The following ITGA4 variants were observed in gnomAD, a reference collection of about 807,000 sequenced individuals.
The protein encoded by ITGA4 is integrin alpha-4.
ITGA4 carries 63 observed loss-of-function variants against 133.6 expected under a neutral mutation model. That is an observed-to-expected ratio of 0.47 (90% CI 0.38 to 0.58). The LOEUF (loss-of-function observed/expected upper bound fraction) is 0.58, where lower values mean the gene tolerates loss of function less well. Among genes scored for constraint, ITGA4 ranks in the 20% least tolerant of loss-of-function variants. The probability of loss-of-function intolerance (pLI) is 0.00; values close to 1 mark genes in which losing one functional copy is unlikely to be tolerated. For missense variants in ITGA4, 1,076 were observed against 1,252.7 expected, an observed-to-expected ratio of 0.86 and a Z score of 2.13; for synonymous variants, 483 against 438.0, an observed-to-expected ratio of 1.10 and a Z score of -1.28.
intron 25 of ITGA4, 74 bp from the exon 26 acceptor site, chr2:181,534,198 G>A (rs1475969046): frequency 1.3e-5 from 12 of 902,266 alleles, no homozygotes; most frequent in Non-Finnish European, 2.1e-5. Context: ...CCTCTAGCTA[G>A]AAGGTAAAGA....
At chr2:181,533,426 A>C (rs905378768) in intron 25 of ITGA4, among the ~76,000 whole-genome samples, 2 of 152,200 alleles carry the variant, frequency 1.3e-5, no homozygotes, top group Admixed American at 6.5e-5. Context: ...CTTTTTCTCT[A>C]GGTCTAGGTT....
In ITGA4 at chr2:181,537,846, G is replaced by A. The variant is rs1313439287; in HGVS notation, c.*2319G>A. ...TTGTTAGTAACATCAATTTCTATTA[G>A]GATATCCGTTTGGCCACACAGCAGG... On this transcript the variant is annotated 3_prime_UTR_variant, in exon 28 of 28. Coordinates refer to ENST00000397033, the MANE Select transcript of ITGA4 (RefSeq NM_000885.6). 1 of 497,760 alleles carries A rather than the reference G, an allele frequency of 2.0e-6. No individual in the cohort carries two copies. Among genetic ancestry groups the A allele is most frequent in the Non-Finnish European group, 3.9e-6 (1 of 256,020 alleles). The allele number at this position is 497,760 out of a possible 1,614,324, so 30.8% of individuals were successfully genotyped here. A position where few individuals can be genotyped will look rare whatever the true frequency, so the allele number is the denominator to read the frequency against.
At chr2:181,534,541 G>A (rs1687014503) in intron 26 of ITGA4, among the ~76,000 whole-genome samples, 171 bp downstream of exon 26, 1 of 152,040 alleles carries the variant, frequency 6.6e-6, no homozygotes, top group South Asian at 2.1e-4. Context: ...TGGCAGGAGG[G>A]AACAATACAG....
At chr2:181,508,441 A>G (rs1645955728) in intron 15 of ITGA4, among the ~76,000 whole-genome samples, 1 of 152,110 alleles carries the variant, frequency 6.6e-6, no homozygotes, top group African/African-American at 2.4e-5. Context: ...CAAGCCTGTA[A>G]TCCCAGCACT....
Position 181,488,519 on chromosome 2 carries a change from T to C in ITGA4, c.1153+2527T>C, listed in dbSNP as rs139354961. On this transcript the variant is annotated intron_variant, in intron 10 of 27. Transcript: ENST00000397033. ...ACATTAACACTTCAGTGAGTGTTTATAATGCCATATATCTTTTTCTACTTG... is the reference window on the plus strand; with the variant it reads ...ACATTAACACTTCAGTGAGTGTTTACAATGCCATATATCTTTTTCTACTTG... Among the ~76,000 whole-genome samples, 346 of 152,288 alleles carry C rather than the reference T, an allele frequency of 2.3e-3. 1 individual carries two copies. The highest frequency in any genetic ancestry group is 7.7e-3 in the African/African-American group (318 of 41,566).
chr2:181,490,314 C>T (rs564253179), intron 10 of ITGA4, among the ~76,000 whole-genome samples: 4 of 152,068 alleles, frequency 2.6e-5, no homozygotes, highest in Non-Finnish European at 5.9e-5. Flanking sequence ...CTACTTTATA[C>T]ATCCATGTGA....
chr2:181,509,708 C>T lies in ITGA4; in HGVS notation c.1746C>T (p.His582=), dbSNP rs767781565. The change falls in exon 16 of 28, where the codon CAC becomes CAT. Residue 582 remains histidine, a synonymous_variant. Transcript: ENST00000397033. ...LTPIQIEAAY[H]LGPHVISKRS... is the part of the protein sequence containing the mutation. ...CAATTCAGATTGAAGCTGCTTACCACCTTGGTCCTCATGTCATCAGTAAAC... is the reference window on the plus strand; with the variant it reads ...CAATTCAGATTGAAGCTGCTTACCATCTTGGTCCTCATGTCATCAGTAAAC... 6 of 1,611,108 alleles carry T rather than the reference C, an allele frequency of 3.7e-6. No individual in the cohort carries two copies. In the African/African-American group the frequency reaches 8.0e-5, roughly 22 times the overall value.
chr2:181,501,473 T>C (rs1686267943), intron 15 of ITGA4, among the ~76,000 whole-genome samples: 2 of 152,096 alleles, frequency 1.3e-5, no homozygotes, highest in South Asian at 4.1e-4. Flanking sequence ...CTAACATACG[T>C]ATACAAAGGA....
intron 2 of ITGA4, among the ~76,000 whole-genome samples, chr2:181,464,783 C>T (rs1008187057): frequency 6.6e-6 from 1 of 152,060 alleles, no homozygotes; most frequent in Admixed American, 6.6e-5. Flanking sequence ...GTAACACCTG[C>T]TCCTGAAATA....
Position 181,475,060 on chromosome 2 carries a change from C to G in ITGA4, c.420C>G (p.Ser140=). 6.2e-7 allele frequency: 1 copy of G among 1,613,698 alleles called. No homozygotes were observed. Among genetic ancestry groups the G allele is most frequent in the East Asian group, 2.2e-5 (1 of 44,868 alleles). ...TLSRQPGENG[S]IVTCGHRWKN... is the part of the protein sequence containing the mutation. ...CCAGACAGCCAGGAGAAAATGGATC[C>G]ATCGTGGTAGGTATTGGAACTGGTC... Residue 140 remains serine, a synonymous_variant, in exon 3 of 28, where the codon TCC becomes TCG. Transcript: ENST00000397033.
chr2:181,480,056 C>T, intron 5 of ITGA4, 81 bp from the exon 6 acceptor site: 1 of 874,790 alleles, frequency 1.1e-6, no homozygotes, highest in Non-Finnish European at 1.7e-6. Flanking sequence ...AAAATATGTT[C>T]TCTTCACTAT....
Position 181,495,275 on chromosome 2 carries a change from T to C in ITGA4, c.1340-96T>C, listed in dbSNP as rs1354482734. 2.4e-6 allele frequency: 2 copies of C among 828,710 alleles called. No homozygotes were observed. The highest frequency in any genetic ancestry group is 3.4e-5 in the African/African-American group (2 of 59,222). The allele number at this position is 828,710 out of a possible 1,614,324, so 51.3% of individuals were successfully genotyped here. The stretch of plus-strand genomic sequence containing the variant: ...AATTTTCTATAAATAGTGTTTTAGG[T>C]AGTCAAAGGTGATACGTAGTTAAGT... On this transcript the variant is annotated intron_variant, in intron 12 of 27. Transcript: ENST00000397033. This position sits in a 1 kb window ranked among gnomAD's most constrained non-coding sequence, Gnocchi z 4.3.
intron 23 of ITGA4, 38 bp from the exon 24 acceptor site, chr2:181,530,486 T>C (rs1686922131): frequency 6.3e-7 from 1 of 1,584,476 alleles, no homozygotes; most frequent in African/African-American, 1.3e-5. Context: ...TTTTCCAGTG[T>C]TGAAAGATAA....
Position 181,536,147 on chromosome 2 carries a change from A to T in ITGA4, c.*620A>T, listed in dbSNP as rs1687076022. ...GGCCAAACTGGCAAACTTCAGACTG[A>T]ACATGTACACTGGTTTGAGCTTAGT... On this transcript the variant is annotated 3_prime_UTR_variant, in exon 28 of 28. Coordinates refer to ENST00000397033, the MANE Select transcript of ITGA4 (RefSeq NM_000885.6). 6.6e-6 allele frequency: 1 copy of T among 151,932 alleles called. No homozygotes were observed. The highest frequency in any genetic ancestry group is 1.5e-5 in the Non-Finnish European group (1 of 67,964). The allele number at this position is 151,932 out of a possible 1,614,324, so 9.4% of individuals were successfully genotyped here. A position where few individuals can be genotyped will look rare whatever the true frequency, so the allele number is the denominator to read the frequency against.
At chr2:181,518,255 T>A (rs1193228621) in intron 17 of ITGA4, among the ~76,000 whole-genome samples, 1 of 152,074 alleles carries the variant, frequency 6.6e-6, no homozygotes, top group African/African-American at 2.4e-5. Flanking sequence ...GGGTTTGGAA[T>A]TACTGCTTTG....
intron 26 of ITGA4, 134 bp downstream of exon 26, chr2:181,534,504 TGGTTGAG>T (rs1687013638): frequency 3.0e-6 from 2 of 657,516 alleles, no homozygotes; most frequent in East Asian, 2.7e-5. Flanking sequence ...CCCCAATACT[TGGTTGAG>T]AGTTGGCATT....
chr2:181,477,210 T>C (rs1443004475), intron 4 of ITGA4, among the ~76,000 whole-genome samples: 1 of 151,992 alleles, frequency 6.6e-6, no homozygotes, highest in African/African-American at 2.4e-5. Flanking sequence ...TATACCAAAG[T>C]CAACTAAAAT....
At position 181,523,520 on chromosome 2, in the gene ITGA4, T is replaced by C. The variant is rs1370368616; in HGVS notation, c.2157T>C (p.Asp719=). The change falls in exon 19 of 28, where the codon GAT becomes GAC. Residue 719 remains aspartate, a synonymous_variant. Transcript: ENST00000397033. This position sits in a 1 kb window ranked among gnomAD's most constrained non-coding sequence, Gnocchi z 4.2. Reference sequence around the variant, plus strand: ...GCAGTATTGGCTATATATATGTAGATCATCTCTCAAGGGTAAGTGTTTCAT... The same window carrying C: ...GCAGTATTGGCTATATATATGTAGACCATCTCTCAAGGGTAAGTGTTTCAT... The part of the protein sequence containing the change: ...LDCSIGYIYV[D]HLSRIDISFL... 1.9e-6 allele frequency: 3 copies of C among 1,573,960 alleles called. No individual in the cohort carries two copies. The highest frequency in any genetic ancestry group is 2.6e-6 in the Non-Finnish European group (3 of 1,143,888).
At chr2:181,480,044 TA>T in intron 5 of ITGA4, 92 bp from the exon 6 acceptor site, 1 of 784,790 alleles carries the variant, frequency 1.3e-6, no homozygotes, top group Non-Finnish European at 1.9e-6. Flanking sequence ...TTGATTATTA[TA>T]AAAATATGTT....
Sources: gnomAD v4.1 joint callset for allele counts (sites outside exome capture counted in the v4.1 genomes callset) on GRCh38, gnomAD v4.1.1 for gene constraint, Gnocchi (gnomAD v3.1) non-coding constraint, MANE v1.5 for transcripts, NCBI Gene and HGNC (gene_info 2026-07-23, HGNC 2026-07-21) for gene names.